Variants in MYRIP observed in about 807,000 individuals in gnomAD.
MYRIP encodes myosin VIIA and Rab interacting protein, also known as rab effector MyRIP.
A neutral mutation model predicts 98.0 loss-of-function variants in MYRIP; 49 were observed. That is an observed-to-expected ratio of 0.50 (90% confidence interval 0.40 to 0.63). The LOEUF (loss-of-function observed/expected upper bound fraction) is 0.63. Among genes scored for constraint, MYRIP ranks in the 30% least tolerant of loss-of-function variants. The pLI is 0.00. For synonymous variants in MYRIP, 404 were observed against 409.5 expected, an observed-to-expected ratio of 0.99 and a Z score of 0.16; for missense variants, 1,004 against 1,058.2, an observed-to-expected ratio of 0.95 and a Z score of 0.71.
In MYRIP at chr3:40,244,474, G is replaced by A; in HGVS notation, c.2129G>A (p.Gly710Glu). The A allele has an allele frequency of 1.2e-6, 2 of 1,613,826 alleles. No individual in the cohort carries two copies. Among genetic ancestry groups the A allele is most frequent in the African/African-American group, 1.3e-5 (1 of 75,012 alleles). ...NVYLAAGTVY[G>E]LETQLTELED... is the part of the protein sequence containing the mutation. ...TACCTGGCAGCAGGCACTGTGTATG[G>A]ACTGGAGACCCAGCTGACTGAGCTA... is the stretch of plus-strand genomic sequence containing the variant. Residue 710 changes from glycine (G) to glutamate (E), a missense_variant, in exon 13 of 17, where the codon GGA becomes GAA. Physicochemically the swap from Gly to Glu is moderately conservative, Grantham distance 98 (BLOSUM62 -2). Coordinates refer to ENST00000302541, the MANE Select transcript of MYRIP (RefSeq NM_015460.4).
chr3:39,998,097 G>A (rs1204522455), intron 2 of MYRIP, among the ~76,000 whole-genome samples: 7 of 152,134 alleles, frequency 4.6e-5, no homozygotes. Flanking sequence ...GGCAAAAACT[G>A]GAAGCATTCC....
chr3:40,091,994 A>G (rs534128168), intron 3 of MYRIP, among the ~76,000 whole-genome samples: 41 of 152,342 alleles, frequency 2.7e-4, no homozygotes, highest in African/African-American at 9.6e-4. Flanking sequence ...ACACATTAGA[A>G]TACATTTCAC....
At position 39,813,327 on chromosome 3, in the gene MYRIP, G is replaced by A. The variant is rs561274746; in HGVS notation, c.-31+3411G>A. 8.1e-4 allele frequency among the ~76,000 whole-genome samples: 124 copies of A among 152,286 alleles called. 1 individual carries two copies. The highest frequency in any genetic ancestry group is 2.9e-3 in the African/African-American group (120 of 41,552). Reference sequence around the variant, plus strand: ...TGGAGAAGGCTAAGTGGACCCAGCTGGTGCCCTTCTCCCATCCATCACCTT... The same window carrying A: ...TGGAGAAGGCTAAGTGGACCCAGCTAGTGCCCTTCTCCCATCCATCACCTT... On this transcript the variant is annotated intron_variant, in intron 1 of 16. Coordinates refer to ENST00000302541, the MANE Select transcript of MYRIP (RefSeq NM_015460.4).
At chr3:39,892,968 T>C (rs1943523539) in intron 1 of MYRIP, among the ~76,000 whole-genome samples, 1 of 152,226 alleles carries the variant, frequency 6.6e-6, no homozygotes, top group Non-Finnish European at 1.5e-5. Flanking sequence ...ATCCCCTTTG[T>C]GTTTTAAGAG....
At chr3:40,135,759 C>T (rs2125922692) in intron 3 of MYRIP, among the ~76,000 whole-genome samples, 1 of 152,276 alleles carries the variant, frequency 6.6e-6, no homozygotes, top group East Asian at 1.9e-4. Context: ...ATTTTCAACC[C>T]AGAATTTCAT....
At chr3:40,058,785 T>C (rs1947938351) in intron 3 of MYRIP, among the ~76,000 whole-genome samples, 1 of 152,190 alleles carries the variant, frequency 6.6e-6, no homozygotes, top group African/African-American at 2.4e-5. Flanking sequence ...ATTCTTTTTT[T>C]CTCTTTTTTA....
chr3:40,163,928 T>C (rs1427894289), intron 5 of MYRIP, among the ~76,000 whole-genome samples: 1 of 152,178 alleles, frequency 6.6e-6, no homozygotes, highest in African/African-American at 2.4e-5. Flanking sequence ...AGCTTCTCCA[T>C]AGGTTACCAC....
At chr3:40,003,067 T>C (rs1446376855) in intron 2 of MYRIP, among the ~76,000 whole-genome samples, 7 of 151,550 alleles carry the variant, frequency 4.6e-5, no homozygotes, top group Admixed American at 2.6e-4. Context: ...TAAATACATA[T>C]ATAGAATCTA....
intron 1 of MYRIP, among the ~76,000 whole-genome samples, chr3:39,830,499 T>C (rs1349640966): frequency 6.6e-6 from 1 of 152,154 alleles, no homozygotes; most frequent in Non-Finnish European, 1.5e-5. Context: ...ATTGTCCCGG[T>C]TTCCTCTCTC....
chr3:39,875,162 G>C (rs1266818770), intron 1 of MYRIP, among the ~76,000 whole-genome samples: 1 of 152,094 alleles, frequency 6.6e-6, no homozygotes, highest in Non-Finnish European at 1.5e-5. Context: ...ATGGTAGTTT[G>C]TATTTCTGTG....
chr3:40,195,227 A>G (rs1204121211), intron 10 of MYRIP, among the ~76,000 whole-genome samples: 1 of 152,230 alleles, frequency 6.6e-6, no homozygotes, highest in Non-Finnish European at 1.5e-5. Flanking sequence ...TTACTAAACA[A>G]TTTAAATCAG....
intron 1 of MYRIP, among the ~76,000 whole-genome samples, chr3:39,883,993 ACT>A (rs1435846500): frequency 5.3e-5 from 8 of 152,076 alleles, no homozygotes; most frequent in Non-Finnish European, 7.4e-5. Context: ...GTCTCTATAA[ACT>A]CTCTACAAAT....
chr3:40,075,851 T>C (rs769027513), intron 3 of MYRIP, among the ~76,000 whole-genome samples: 2 of 152,110 alleles, frequency 1.3e-5, no homozygotes, highest in African/African-American at 2.4e-5. Context: ...CAGTTTTGTC[T>C]GTATTCCTTG....
At chr3:39,962,172 T>C (rs1315238183) in intron 2 of MYRIP, among the ~76,000 whole-genome samples, 2 of 152,138 alleles carry the variant, frequency 1.3e-5, no homozygotes, top group African/African-American at 4.8e-5. Flanking sequence ...ATCTATAGGA[T>C]GGTTATAATA....
rs567013245 is a variant in MYRIP, at chr3:40,137,618, C to T, written c.333-13430C>T. On this transcript the variant is annotated intron_variant, in intron 3 of 16. Coordinates refer to ENST00000302541, the MANE Select transcript of MYRIP (RefSeq NM_015460.4). Reference sequence around the variant, plus strand: ...TTAGACCAATATCCTTGATGAACATCGATGCAAAAATCCTCAATAAAATAC... The same window carrying T: ...TTAGACCAATATCCTTGATGAACATTGATGCAAAAATCCTCAATAAAATAC... Among the ~76,000 whole-genome samples the T allele has an allele frequency of 4.9e-4, 75 of 152,112 alleles. 1 individual carries two copies. The highest frequency in any genetic ancestry group is 3.1e-3 in the East Asian group (16 of 5,176).
At chr3:39,976,301 T>C (rs1321558363) in intron 2 of MYRIP, among the ~76,000 whole-genome samples, 1 of 152,146 alleles carries the variant, frequency 6.6e-6, no homozygotes, top group Admixed American at 6.5e-5. Flanking sequence ...AAAATGCTCA[T>C]CATCACTGGC....
At chr3:39,876,625 T>C (rs574787917) in intron 1 of MYRIP, among the ~76,000 whole-genome samples, 165 of 151,844 alleles carry the variant, frequency 1.1e-3, no homozygotes, top group Middle Eastern at 3.4e-3. Flanking sequence ...GGATATGAAA[T>C]TCTGGTTTGA....
At chr3:39,811,104 T>G (rs1940671653) in intron 1 of MYRIP, among the ~76,000 whole-genome samples, 1 of 152,134 alleles carries the variant, frequency 6.6e-6, no homozygotes, top group African/African-American at 2.4e-5. Flanking sequence ...CCTGTGGTGT[T>G]GTGGGCGCTT....
chr3:40,178,359 G>A (rs941872671), intron 8 of MYRIP, among the ~76,000 whole-genome samples: 6 of 152,156 alleles, frequency 3.9e-5, no homozygotes, highest in Non-Finnish European at 7.3e-5. Context: ...CCAAAGCTTC[G>A]GGACCAGTTG....
Sources: allele counts gnomAD v4.1 joint callset (sites outside exome capture counted in the v4.1 genomes callset), GRCh38; gene constraint gnomAD v4.1.1; transcripts MANE v1.5; gene names NCBI Gene and HGNC (gene_info 2026-07-23, HGNC 2026-07-21).